The following PCDHA12 variants were observed in gnomAD, a reference collection of about 807,000 sequenced individuals.
PCDHA12 encodes the protein protocadherin alpha 12.
A neutral mutation model predicts 60.0 loss-of-function variants in PCDHA12; 44 were observed. That is an observed-to-expected ratio of 0.73 (90% CI 0.58 to 0.94). The LOEUF is 0.94. Among genes scored for constraint, PCDHA12 ranks in the 40% least tolerant of loss-of-function variants. The pLI is 0.00. For synonymous variants in PCDHA12, 569 were observed against 553.0 expected, an observed-to-expected ratio of 1.03 and a Z score of -0.40; for missense variants, 1,276 against 1,239.7, an observed-to-expected ratio of 1.03 and a Z score of -0.44.
At position 141,010,146 on chromosome 5, in the gene PCDHA12, C is replaced by A. The variant is rs782795358; in HGVS notation, c.*209C>A. 1 of 1,584,410 alleles carries A rather than the reference C, an allele frequency of 6.3e-7. No individual in the cohort carries two copies. Among genetic ancestry groups the A allele is most frequent in the Non-Finnish European group, 8.6e-7 (1 of 1,164,258 alleles). The stretch of plus-strand genomic sequence containing the variant: ...TAAGTCTGGTGTTAACTCTTTCTCT[C>A]CACTCTGGCTTGTTTTCAGAACCTA... On this transcript the variant is annotated 3_prime_UTR_variant, in exon 4 of 4. Transcript: ENST00000398631.
At chr5:141,005,479 G>A (rs371636060) in intron 3 of PCDHA12, among the ~76,000 whole-genome samples, 43 of 151,818 alleles carry the variant, frequency 2.8e-4, no homozygotes, top group Non-Finnish European at 2.6e-4. Context: ...CGAGACGGGC[G>A]GATCATGAGG....
Position 140,913,941 on chromosome 5 carries a change from C to T in PCDHA12, c.2367+36102C>T, listed in dbSNP as rs950871389. ...TACTTCATTGTGGTCAGAGAAGAAT[C>T]TTGATATGATATCATTTTTAAAAAA... On this transcript the variant is annotated intron_variant, in intron 1 of 3. Transcript: ENST00000398631. Among the ~76,000 whole-genome samples, 3 of 152,102 alleles carry T rather than the reference C, an allele frequency of 2.0e-5. No homozygotes were observed. In the East Asian group the frequency reaches 5.8e-4, roughly 29 times the overall value.
Position 141,009,950 on chromosome 5 carries a change from G to C in PCDHA12, c.*13G>C, listed in dbSNP as rs782235440. On this transcript the variant is annotated 3_prime_UTR_variant, in exon 4 of 4. Coordinates refer to ENST00000398631, the MANE Select transcript of PCDHA12 (RefSeq NM_018903.4). ...CAGTGACCAGTGAGGTCCTCAAATGGAAACAAGCCACTTAGCCAGTTTTTG... is the reference window on the plus strand; with the variant it reads ...CAGTGACCAGTGAGGTCCTCAAATGCAAACAAGCCACTTAGCCAGTTTTTG... 12 of 1,593,098 alleles carry C rather than the reference G, an allele frequency of 7.5e-6. No individual in the cohort carries two copies. In the East Asian group the frequency reaches 2.5e-4, roughly 33 times the overall value.
intron 1 of PCDHA12, among the ~76,000 whole-genome samples, chr5:140,935,749 A>G (rs1245640487): frequency 6.6e-6 from 1 of 152,172 alleles, no homozygotes; most frequent in African/African-American, 2.4e-5. Flanking sequence ...ATTCCATACA[A>G]TACACATTCT....
At chr5:140,942,996 C>T (rs1294135098) in intron 1 of PCDHA12, among the ~76,000 whole-genome samples, 1 of 151,798 alleles carries the variant, frequency 6.6e-6, no homozygotes, top group South Asian at 2.1e-4. Context: ...GTGGCTCATG[C>T]CTGTAATCCC....
intron 2 of PCDHA12, among the ~76,000 whole-genome samples, chr5:140,979,642 A>G (rs1364696351): frequency 2.0e-5 from 3 of 152,188 alleles, no homozygotes; most frequent in South Asian, 2.1e-4. Flanking sequence ...ATTAAATATA[A>G]TTTTGCTTTC....
rs191892568 is a variant in PCDHA12, at chr5:140,903,945, C to T, written c.2367+26106C>T. 2.6e-5 allele frequency among the ~76,000 whole-genome samples: 4 copies of T among 152,280 alleles called. No homozygotes were observed. In the East Asian group the frequency reaches 5.8e-4, roughly 22 times the overall value. ...TGCATTGGATAATACCTCTTAAATA[C>T]TGGAAAATTATTTGTTGATTTTTGG... On this transcript the variant is annotated intron_variant, in intron 1 of 3. Transcript: ENST00000398631.
chr5:140,905,776 GT>G (rs1255347430), intron 1 of PCDHA12, among the ~76,000 whole-genome samples: 1 of 152,068 alleles, frequency 6.6e-6, no homozygotes, highest in African/African-American at 2.4e-5. Flanking sequence ...ATTCCGAAGT[GT>G]ATTAGTCAGG....
At chr5:140,961,561 T>C (rs1554225472) in intron 1 of PCDHA12, among the ~76,000 whole-genome samples, 1 of 152,170 alleles carries the variant, frequency 6.6e-6, no homozygotes, top group African/African-American at 2.4e-5. Flanking sequence ...TTTTTTTAAA[T>C]TTTGTTTTGA....
chr5:140,996,164 T>C (rs934521653), intron 3 of PCDHA12, among the ~76,000 whole-genome samples: 2 of 152,246 alleles, frequency 1.3e-5, no homozygotes, highest in African/African-American at 4.8e-5. Context: ...TATACTGCAA[T>C]GTGCTGACAG....
intron 1 of PCDHA12, chr5:140,884,763 CT>C (rs1206964755): frequency 1.9e-5 from 27 of 1,421,678 alleles, no homozygotes; most frequent in Non-Finnish European, 2.4e-5. Context: ...TTATTCTTTA[CT>C]TTAATTTTAA....
intron 2 of PCDHA12, among the ~76,000 whole-genome samples, chr5:140,980,645 G>A (rs1322302727): frequency 6.7e-6 from 1 of 149,206 alleles, no homozygotes; most frequent in African/African-American, 2.5e-5. Flanking sequence ...ATAAATAAAT[G>A]AATAAAATAA....
At chr5:140,937,789 G>A (rs1413517840) in intron 1 of PCDHA12, among the ~76,000 whole-genome samples, 1 of 151,816 alleles carries the variant, frequency 6.6e-6, no homozygotes, top group Non-Finnish European at 1.5e-5. Flanking sequence ...GCGGGCGTAT[G>A]TAGTCCCAGC....
At chr5:140,971,419 G>A (rs1554233321) in intron 1 of PCDHA12, among the ~76,000 whole-genome samples, 1 of 152,140 alleles carries the variant, frequency 6.6e-6, no homozygotes. Context: ...TGGAAATCCA[G>A]TGAAGAACCC....
chr5:141,011,221 A>G lies in PCDHA12; in HGVS notation c.*1284A>G, dbSNP rs1392607276. On this transcript the variant is annotated 3_prime_UTR_variant, in exon 4 of 4. Coordinates refer to ENST00000398631, the MANE Select transcript of PCDHA12 (RefSeq NM_018903.4). ...TCTCATACAGTGAGCAGATTTTTCA[A>G]TCTACTAATTCTGTGACTTGTCTTG... is the stretch of plus-strand genomic sequence containing the variant. The G allele has an allele frequency of 1.3e-5, 2 of 153,780 alleles. No individual in the cohort carries two copies. The highest frequency in any genetic ancestry group is 4.8e-5 in the African/African-American group (2 of 41,464). 9.5% of individuals were successfully genotyped at this position (153,780 alleles called of 1,614,324 possible).
chr5:140,898,389 G>A (rs1402524208), intron 1 of PCDHA12, among the ~76,000 whole-genome samples: 3 of 152,190 alleles, frequency 2.0e-5, no homozygotes, highest in Non-Finnish European at 4.4e-5. Flanking sequence ...AAGGGATCCA[G>A]TTTCAGCTTT....
chr5:140,900,683 T>C (rs144072569), intron 1 of PCDHA12, among the ~76,000 whole-genome samples: 52 of 152,340 alleles, frequency 3.4e-4, no homozygotes, highest in African/African-American at 9.9e-4. Context: ...ATCTCTTCAA[T>C]ATACTGATTT....
At chr5:140,926,974 G>C (rs145276602) in intron 1 of PCDHA12, 2 of 1,610,140 alleles carry the variant, frequency 1.2e-6, no homozygotes, top group East Asian at 2.2e-5. Context: ...CTCAGTGCCG[G>C]AGGAGACGGA....
chr5:140,972,072 T>C (rs1380413898), intron 1 of PCDHA12, among the ~76,000 whole-genome samples: 1 of 152,212 alleles, frequency 6.6e-6, no homozygotes, highest in Non-Finnish European at 1.5e-5. Flanking sequence ...ATTAACTGCT[T>C]TTGGAAAAAG....
Sources: gnomAD v4.1 joint callset for allele counts (sites outside exome capture counted in the v4.1 genomes callset) on GRCh38, gnomAD v4.1.1 for gene constraint, MANE v1.5 for transcripts, NCBI Gene and HGNC (gene_info 2026-07-23, HGNC 2026-07-21) for gene names.